Variants in FTO observed in about 807,000 individuals in gnomAD.
The protein encoded by FTO is FTO alpha-ketoglutarate dependent dioxygenase.
In FTO, 47 loss-of-function variants were observed where a neutral mutation model predicts 63.9. That is an observed-to-expected ratio of 0.74 (90% CI 0.58 to 0.94). FTO has a LOEUF of 0.94. FTO is among the 40% of genes least tolerant of loss of function. The probability of loss-of-function intolerance (pLI) is 0.00; values close to 1 mark genes in which losing one functional copy is unlikely to be tolerated. For missense variants in FTO, 562 were observed against 618.1 expected (o/e 0.91, Z 0.96); for synonymous variants, 207 against 224.4 (o/e 0.92, Z 0.69).
intron 8 of FTO, among the ~76,000 whole-genome samples, chr16:53,939,912 G>T (rs1312859105): frequency 6.6e-6 from 1 of 152,088 alleles, no homozygotes; most frequent in Non-Finnish European, 1.5e-5. Context: ...TGGACATTTG[G>T]GTGGGTTGAC....
At chr16:53,936,672 G>C (rs927459360) in intron 8 of FTO, among the ~76,000 whole-genome samples, 1 of 152,144 alleles carries the variant, frequency 6.6e-6, no homozygotes, top group Admixed American at 6.5e-5. Flanking sequence ...ACTCACCAAA[G>C]GCCAAGCAAT....
intron 4 of FTO, among the ~76,000 whole-genome samples, chr16:53,862,951 GT>G: frequency 6.6e-6 from 1 of 152,236 alleles, no homozygotes; most frequent in South Asian, 2.1e-4. Flanking sequence ...TTTTCCCTGA[GT>G]TATAGGAGAA....
chr16:53,802,776 CT>C lies in FTO; in HGVS notation c.46-7362del, dbSNP rs555417677. Among the ~76,000 whole-genome samples the C allele has an allele frequency of 7.6e-3, 1,150 of 152,084 alleles. 16 individuals carry two copies. Among genetic ancestry groups the C allele is most frequent in the Middle Eastern group, 0.061 (18 of 294 alleles). On this transcript the variant is annotated intron_variant, in intron 1 of 8. Coordinates refer to ENST00000471389, the MANE Select transcript of FTO (RefSeq NM_001080432.3). ...CTGTATTTCATTTTGGATAATTTGC[CT>C]TGCTGTGTCTTCAGGTTCATTATTC...
intron 1 of FTO, among the ~76,000 whole-genome samples, chr16:53,763,652 T>C (rs2077124244): frequency 6.6e-6 from 1 of 152,176 alleles, no homozygotes; most frequent in Non-Finnish European, 1.5e-5. Flanking sequence ...TTCTGTCACT[T>C]ATAAAGTCAA....
chr16:54,119,942 C>T lies in FTO; in HGVS notation c.*8027C>T, dbSNP rs2086994304. 1 of 152,122 alleles carries T rather than the reference C, an allele frequency of 6.6e-6. No homozygotes were observed. Among genetic ancestry groups the T allele is most frequent in the African/African-American group, 2.4e-5 (1 of 41,424 alleles). The allele number at this position is 152,122 out of a possible 1,614,324, so 9.4% of individuals were successfully genotyped here. The stretch of plus-strand genomic sequence containing the variant: ...GTATAGTTTTCAAAGAGATGCAGAC[C>T]CTGTTCGATTTCCCAAGATTTAGAC... On this transcript the variant is annotated 3_prime_UTR_variant, in exon 9 of 9. Coordinates refer to ENST00000471389, the MANE Select transcript of FTO (RefSeq NM_001080432.3).
intron 8 of FTO, chr16:53,991,379 T>G (rs1328553242): frequency 6.6e-6 from 1 of 152,144 alleles, no homozygotes; most frequent in Non-Finnish European, 1.5e-5. Flanking sequence ...TTCATGTTGA[T>G]GAGGTAAATG....
intron 8 of FTO, among the ~76,000 whole-genome samples, chr16:54,074,911 A>AGTGTGTGTGT (rs1374323251): frequency 8.6e-6 from 1 of 115,866 alleles, no homozygotes; most frequent in East Asian, 2.8e-4. Flanking sequence ...AGAGAGAGAG[A>AGTGTGTGTGT]GAGAGAGTGT....
intron 8 of FTO, among the ~76,000 whole-genome samples, chr16:53,941,712 G>T (rs1277013847): frequency 6.6e-6 from 1 of 152,188 alleles, no homozygotes; most frequent in Non-Finnish European, 1.5e-5. Flanking sequence ...GCCAGGCACG[G>T]TGGCGCACAC....
At chr16:53,760,499 G>C (rs917979286) in intron 1 of FTO, among the ~76,000 whole-genome samples, 2 of 151,918 alleles carry the variant, frequency 1.3e-5, no homozygotes, top group African/African-American at 4.8e-5. Flanking sequence ...GCCCGCACTG[G>C]CCTCCCAAAG....
chr16:54,017,873 C>G (rs2144123068), intron 8 of FTO, among the ~76,000 whole-genome samples: 1 of 152,114 alleles, frequency 6.6e-6, no homozygotes, highest in South Asian at 2.1e-4. Flanking sequence ...TACTAAGCAG[C>G]TGAATAATGC....
At chr16:53,822,251 C>T (rs1447261474) in intron 2 of FTO, among the ~76,000 whole-genome samples, 1 of 152,118 alleles carries the variant, frequency 6.6e-6, no homozygotes, top group Non-Finnish European at 1.5e-5. Flanking sequence ...AAAAGAAACC[C>T]TAGAACGTAC....
intron 8 of FTO, among the ~76,000 whole-genome samples, chr16:54,085,756 A>G (rs752543555): frequency 1.3e-5 from 2 of 152,192 alleles, no homozygotes; most frequent in Non-Finnish European, 2.9e-5. Flanking sequence ...CTTGGTCTGG[A>G]ATAGCAAGAA....
At chr16:54,067,424 T>C (rs1289350647) in intron 8 of FTO, among the ~76,000 whole-genome samples, 2 of 152,202 alleles carry the variant, frequency 1.3e-5, no homozygotes, top group Non-Finnish European at 2.9e-5. Flanking sequence ...ATTATAGCGA[T>C]TTCCTAAACT....
chr16:53,979,229 G>A, intron 8 of FTO: 1 of 393,468 alleles, frequency 2.5e-6, no homozygotes, highest in Non-Finnish European at 4.5e-6. Context: ...AAGAATCTTT[G>A]AGGCTTTCTT....
chr16:53,828,257 T>C (rs1393526420), intron 3 of FTO, among the ~76,000 whole-genome samples: 1 of 152,184 alleles, frequency 6.6e-6, no homozygotes, highest in Non-Finnish European at 1.5e-5. Context: ...TCTCGCTCTG[T>C]CGCCCAGGCT....
chr16:53,932,460 G>A (rs929425452), intron 7 of FTO, among the ~76,000 whole-genome samples: 4 of 150,708 alleles, frequency 2.7e-5, no homozygotes, highest in Non-Finnish European at 4.4e-5. Context: ...TGTGATCTCA[G>A]CTCATGCAAA....
chr16:54,109,424 G>C (rs1260302869), intron 8 of FTO, among the ~76,000 whole-genome samples: 3 of 152,144 alleles, frequency 2.0e-5, no homozygotes, highest in African/African-American at 7.2e-5. Flanking sequence ...TCCGCCTCCT[G>C]GGTCCAAGTG....
chr16:53,732,806 A>T (rs1322333536), intron 1 of FTO, among the ~76,000 whole-genome samples: 1 of 152,166 alleles, frequency 6.6e-6, no homozygotes, highest in Non-Finnish European at 1.5e-5. Flanking sequence ...TTGGCTTCTG[A>T]TGAAATGTGC....
At chr16:53,779,497 C>A (rs896026885) in intron 1 of FTO, among the ~76,000 whole-genome samples, 3 of 152,282 alleles carry the variant, frequency 2.0e-5, no homozygotes, top group Middle Eastern at 3.4e-3. Flanking sequence ...GATCAATTCT[C>A]TATTGTGGTT....
Sources: allele counts gnomAD v4.1 joint callset (sites outside exome capture counted in the v4.1 genomes callset), GRCh38; gene constraint gnomAD v4.1.1; transcripts MANE v1.5; gene names NCBI Gene and HGNC (gene_info 2026-07-23, HGNC 2026-07-21).